Variants in SRBD1 observed in about 807,000 individuals in gnomAD.
The protein encoded by SRBD1 is S1 RNA binding domain 1.
In SRBD1, 88 loss-of-function variants were observed where a neutral mutation model predicts 115.3. The ratio of observed to expected loss-of-function variants is 0.76; its 90% CI spans 0.64 to 0.91. The LOEUF (loss-of-function observed/expected upper bound fraction) is 0.91. Ranked by LOEUF, SRBD1 falls within the 40% of genes least tolerant of loss-of-function variation. SRBD1 has a pLI of 0.00. For missense variants in SRBD1, 1,385 were observed against 1,177.4 expected (o/e 1.18, Z -2.58); for synonymous variants, 509 against 407.7 (o/e 1.25, Z -2.99).
rs1392322846 is a variant in SRBD1, at chr2:45,430,972, T to A, written c.2050-11078A>T. ...AGAAAAAAACCACCCCATCAAAAAG[T>A]GGGTGAAGGATATAAACAGACACTT... On this transcript the variant is annotated intron_variant, in intron 16 of 20. Coordinates refer to ENST00000263736, the MANE Select transcript of SRBD1 (RefSeq NM_018079.5). 1.8e-4 allele frequency among the ~76,000 whole-genome samples: 27 copies of A among 151,748 alleles called. 1 individual carries two copies. The highest frequency in any genetic ancestry group is 1.8e-3 in the Admixed American group (27 of 15,260).
At chr2:45,597,957 C>T (rs898167941) in intron 4 of SRBD1, among the ~76,000 whole-genome samples, 4 of 152,186 alleles carry the variant, frequency 2.6e-5, no homozygotes, top group Middle Eastern at 3.2e-3. Flanking sequence ...TCCTCCTGCA[C>T]ACTGCCAACT....
chr2:45,477,228 C>CT (rs1669830876), intron 15 of SRBD1, among the ~76,000 whole-genome samples, 153 bp from the exon 16 acceptor site: 1 of 152,120 alleles, frequency 6.6e-6, no homozygotes, highest in Non-Finnish European at 1.5e-5. Context: ...TCAAAGTTCT[C>CT]TTTTTTCCCC....
intron 14 of SRBD1, among the ~76,000 whole-genome samples, chr2:45,526,199 C>T (rs1361066453): frequency 6.6e-6 from 1 of 152,016 alleles, no homozygotes; most frequent in Non-Finnish European, 1.5e-5. Context: ...GTGGAAATAA[C>T]TCAATGTCAA....
Position 45,395,352 on chromosome 2 carries a change from T to C in SRBD1, c.2514-2223A>G, listed in dbSNP as rs189905824. On this transcript the variant is annotated intron_variant, in intron 19 of 20. Transcript: ENST00000263736. ...CTGTATGAGTCTATCTTAAGGTTGC[T>C]TGCACATGTGTATGTGTGTGTGTGA... is the stretch of plus-strand genomic sequence containing the variant. Among the ~76,000 whole-genome samples the C allele has an allele frequency of 5.9e-5, 9 of 152,286 alleles. No homozygotes were observed. The East Asian group carries it at 1.5e-3, about 26-fold the overall frequency.
At chr2:45,538,069 G>C (rs1671820664) in intron 14 of SRBD1, among the ~76,000 whole-genome samples, 2 of 152,218 alleles carry the variant, frequency 1.3e-5, no homozygotes, top group African/African-American at 4.8e-5. Flanking sequence ...CAAGAGGACT[G>C]AGCAGCGAAG....
chr2:45,462,742 C>T (rs1479455342), intron 16 of SRBD1, among the ~76,000 whole-genome samples: 3 of 151,630 alleles, frequency 2.0e-5, no homozygotes, highest in Non-Finnish European at 2.9e-5. Flanking sequence ...AGGAGAATGG[C>T]GTGAACCTGG....
chr2:45,427,221 G>T (rs1246757793), intron 16 of SRBD1, among the ~76,000 whole-genome samples: 1 of 151,142 alleles, frequency 6.6e-6, no homozygotes, highest in Non-Finnish European at 1.5e-5. Flanking sequence ...CACCGCACAA[G>T]AACTTCATGA....
intron 1 of SRBD1, among the ~76,000 whole-genome samples, chr2:45,610,383 G>T (rs1219897521): frequency 2.0e-5 from 3 of 152,230 alleles, no homozygotes; most frequent in Non-Finnish European, 2.9e-5. Flanking sequence ...AATGTTAGCA[G>T]ATTCCCAAGT....
At chr2:45,579,244 C>T (rs1040026608) in intron 7 of SRBD1, among the ~76,000 whole-genome samples, 2 of 152,182 alleles carry the variant, frequency 1.3e-5, no homozygotes. Flanking sequence ...CATGCACACA[C>T]ACAAAACAGG....
intron 16 of SRBD1, among the ~76,000 whole-genome samples, chr2:45,449,905 G>A (rs1572653635): frequency 6.6e-6 from 1 of 151,898 alleles, no homozygotes; most frequent in Non-Finnish European, 1.5e-5. Flanking sequence ...GGGTGATCAG[G>A]GCTTCATAAG....
intron 1 of SRBD1, among the ~76,000 whole-genome samples, chr2:45,606,157 C>CTTT (rs71394845): frequency 6.0e-5 from 7 of 116,766 alleles, no homozygotes; most frequent in Non-Finnish European, 1.1e-4. Flanking sequence ...TTTTCCTATT[C>CTTT]TTTTTTTTTT....
chr2:45,565,815 G>A (rs1672810562), intron 9 of SRBD1, among the ~76,000 whole-genome samples: 1 of 152,166 alleles, frequency 6.6e-6, no homozygotes. Flanking sequence ...CTTAAGAGAT[G>A]GGGTTTCACC....
chr2:45,598,989 T>G (rs1026120540), intron 4 of SRBD1, among the ~76,000 whole-genome samples: 1 of 152,340 alleles, frequency 6.6e-6, no homozygotes, highest in African/African-American at 2.4e-5. Flanking sequence ...GCATCTCAAG[T>G]TGGAATTCTT....
intron 14 of SRBD1, among the ~76,000 whole-genome samples, chr2:45,513,441 C>T (rs1280623435): frequency 1.3e-5 from 2 of 150,128 alleles, no homozygotes; most frequent in Non-Finnish European, 3.0e-5. Context: ...AAACAACTGA[C>T]CAGTTAATAA....
chr2:45,511,266 G>T (rs544148345), intron 14 of SRBD1, among the ~76,000 whole-genome samples: 2 of 152,132 alleles, frequency 1.3e-5, no homozygotes, highest in Non-Finnish European at 2.9e-5. Context: ...GCGTATCTTC[G>T]GAAACTGACT....
rs1219468463 is a variant in SRBD1, at chr2:45,461,538, TAGAC to T, written c.2049+15451_2049+15454del. ...TGCTTTCTATATACTGCAAACTCGTTAGACAGACAAGTCCCTCTGTCAATCCCAC... is the reference window on the plus strand; with the variant it reads ...TGCTTTCTATATACTGCAAACTCGTTAGACAAGTCCCTCTGTCAATCCCAC... On this transcript the variant is annotated intron_variant, in intron 16 of 20. Coordinates refer to ENST00000263736, the MANE Select transcript of SRBD1 (RefSeq NM_018079.5). Among the ~76,000 whole-genome samples, 3 of 152,304 alleles carry T rather than the reference TAGAC, an allele frequency of 2.0e-5. No individual in the cohort carries two copies. The East Asian group carries it at 5.8e-4, about 29-fold the overall frequency.
intron 16 of SRBD1, among the ~76,000 whole-genome samples, chr2:45,441,555 T>C (rs1488484155): frequency 6.6e-6 from 1 of 152,240 alleles, no homozygotes; most frequent in Non-Finnish European, 1.5e-5. Flanking sequence ...TTTAGACTTT[T>C]CTTTGTATTC....
intron 14 of SRBD1, among the ~76,000 whole-genome samples, chr2:45,496,170 A>G (rs141803073): frequency 2.1e-4 from 32 of 152,260 alleles, no homozygotes; most frequent in African/African-American, 7.2e-4. Context: ...CACTGCTCCT[A>G]TGTTTTGTTT....
At chr2:45,610,621 T>G (rs555370455) in intron 1 of SRBD1, among the ~76,000 whole-genome samples, 1 of 152,026 alleles carries the variant, frequency 6.6e-6, no homozygotes, top group Non-Finnish European at 1.5e-5. Flanking sequence ...GCCTAGAGAG[T>G]TCCCAATTCA....
Sources: allele counts gnomAD v4.1 joint callset (sites outside exome capture counted in the v4.1 genomes callset), GRCh38; gene constraint gnomAD v4.1.1; transcripts MANE v1.5; gene names NCBI Gene and HGNC (gene_info 2026-07-23, HGNC 2026-07-21).